Variants in PFDN4 observed in about 807,000 individuals in gnomAD.
PFDN4 encodes prefoldin 4.
PFDN4 carries 6 observed loss-of-function variants against 17.6 expected under a neutral mutation model. The ratio of observed to expected loss-of-function variants is 0.34; its 90% CI spans 0.19 to 0.67. The LOEUF (loss-of-function observed/expected upper bound fraction) is 0.67, where lower values mean the gene tolerates loss of function less well. PFDN4 is among the 30% of genes least tolerant of loss of function. PFDN4 has a pLI of 0.68. For synonymous variants in PFDN4, 48 were observed against 51.1 expected, an observed-to-expected ratio of 0.94 and a Z score of 0.26; for missense variants, 119 against 158.4, an observed-to-expected ratio of 0.75 and a Z score of 1.33.
At chr20:54,216,392 A>G (rs878928999) in intron 3 of PFDN4, among the ~76,000 whole-genome samples, 5 of 152,366 alleles carry the variant, frequency 3.3e-5, no homozygotes, top group Admixed American at 3.3e-4. Context: ...AAAACTTCGT[A>G]TGAATGAAAC....
At chr20:54,212,566 T>G (rs1488285768) in intron 1 of PFDN4, among the ~76,000 whole-genome samples, 3 of 152,234 alleles carry the variant, frequency 2.0e-5, no homozygotes, top group Non-Finnish European at 4.4e-5. Flanking sequence ...CAAGCATGAT[T>G]TAGATTCAAA....
chr20:54,215,330 G>T lies in PFDN4; in HGVS notation c.163G>T (p.Asp55Tyr). Residue 55 changes from aspartate (D) to tyrosine (Y), a missense_variant, in exon 3 of 4, where the codon GAT (aspartate) becomes TAT (tyrosine). By Grantham distance (160) the Asp-to-Tyr change is radical. Coordinates refer to ENST00000371419, the MANE Select transcript of PFDN4 (RefSeq NM_002623.4). ...KQLQNLEDAC[D>Y]DIMLADDDCL... The stretch of plus-strand genomic sequence containing the variant: ...ACTCCAAAACCTAGAAGATGCTTGT[G>T]ATGACATCATGCTTGCAGATGATGA... 1 of 1,594,182 alleles carries T rather than the reference G, an allele frequency of 6.3e-7. No individual in the cohort carries two copies. The highest frequency in any genetic ancestry group is 1.2e-5 in the South Asian group (1 of 86,652).
At chr20:54,213,032 G>A (rs555527380) in intron 1 of PFDN4, among the ~76,000 whole-genome samples, 5 of 152,288 alleles carry the variant, frequency 3.3e-5, no homozygotes, top group East Asian at 1.9e-4. Flanking sequence ...GTTATATTCC[G>A]ACCACTGAGC....
At chr20:54,211,475 G>A (rs1330400564) in intron 1 of PFDN4, among the ~76,000 whole-genome samples, 1 of 152,208 alleles carries the variant, frequency 6.6e-6, no homozygotes, top group Admixed American at 6.5e-5. Flanking sequence ...TCATTTGACT[G>A]ACTCCATCAT....
chr20:54,215,851 C>T (rs919286084), intron 3 of PFDN4, among the ~76,000 whole-genome samples: 4 of 152,204 alleles, frequency 2.6e-5, no homozygotes, highest in African/African-American at 4.8e-5. Flanking sequence ...TGCCTCTCTC[C>T]GTGTAGTTTG....
At chr20:54,216,033 G>A (rs901744340) in intron 3 of PFDN4, among the ~76,000 whole-genome samples, 1 of 152,100 alleles carries the variant, frequency 6.6e-6, no homozygotes, top group South Asian at 2.1e-4. Context: ...TATCAATTGG[G>A]GTCACGGGTC....
intron 1 of PFDN4, among the ~76,000 whole-genome samples, chr20:54,210,782 C>T (rs1406457885): frequency 6.6e-6 from 1 of 152,186 alleles, no homozygotes; most frequent in Non-Finnish European, 1.5e-5. Context: ...TTATCTTGTT[C>T]ATCTTGTTTT....
At position 54,219,669 on chromosome 20, in the gene PFDN4, T is replaced by A; in HGVS notation, c.*519T>A. The stretch of plus-strand genomic sequence containing the variant: ...TTTAAACATACATATTTAACATTTT[T>A]TACATATCTATCAATATCAGAGATT... On this transcript the variant is annotated 3_prime_UTR_variant, in exon 4 of 4. Transcript: ENST00000371419. 1 of 397,968 alleles carries A rather than the reference T, an allele frequency of 2.5e-6. No homozygotes were observed. 24.7% of individuals were successfully genotyped at this position (397,968 alleles called of 1,614,324 possible).
At chr20:54,218,886 A>G in intron 3 of PFDN4, 133 bp from the exon 4 acceptor site, 1 of 553,748 alleles carries the variant, frequency 1.8e-6, no homozygotes, top group Non-Finnish European at 3.2e-6. Context: ...AGATCTAATT[A>G]TCAGTGTTAC....
In PFDN4 at chr20:54,208,139, C is replaced by G; in HGVS notation, c.24+15C>G. The G allele has an allele frequency of 6.5e-7, 1 of 1,548,384 alleles. No individual in the cohort carries two copies. Among genetic ancestry groups the G allele is most frequent in the Non-Finnish European group, 8.7e-7 (1 of 1,145,598 alleles). On this transcript the variant is annotated intron_variant, in intron 1 of 3. Coordinates refer to ENST00000371419, the MANE Select transcript of PFDN4 (RefSeq NM_002623.4). Reference sequence around the variant, plus strand: ...TGAAGAAGGCGGTGAGTGGGGAGCTCGGGGCTCTGGATGCTCGGGCGGCGC... The same window carrying G: ...TGAAGAAGGCGGTGAGTGGGGAGCTGGGGGCTCTGGATGCTCGGGCGGCGC...
At chr20:54,209,574 C>T (rs1047328388) in intron 1 of PFDN4, among the ~76,000 whole-genome samples, 5 of 152,184 alleles carry the variant, frequency 3.3e-5, no homozygotes, top group African/African-American at 1.2e-4. Context: ...CACTTCACCT[C>T]TAGTTTGTTA....
At chr20:54,215,481 T>TA (rs1312106580) in intron 3 of PFDN4, 41 bp downstream of exon 3, 1 of 1,300,820 alleles carries the variant, frequency 7.7e-7, no homozygotes, top group African/African-American at 1.5e-5. Flanking sequence ...TTTATATCAC[T>TA]ATAAAGAACA....
Position 54,214,329 on chromosome 20 carries a change from AAAACTT to A in PFDN4, c.25-17_25-12del. On this transcript the variant is annotated splice_polypyrimidine_tract_variant and intron_variant, in intron 1 of 3. Transcript: ENST00000371419. ...ATAACTTCTCCGTTAAAATTTTACA[AAAACTT>A]AAACACTTCTTTCAGGCTGCAGAAG... The A allele has an allele frequency of 7.2e-7, 1 of 1,383,296 alleles. No individual in the cohort carries two copies. Among genetic ancestry groups the A allele is most frequent in the Non-Finnish European group, 1.0e-6 (1 of 991,706 alleles). The allele number at this position is 1,383,296 out of a possible 1,614,324, so 85.7% of individuals were successfully genotyped here. A position where few individuals can be genotyped will look rare whatever the true frequency, so the allele number is the denominator to read the frequency against.
At chr20:54,212,897 C>T (rs1424962655) in intron 1 of PFDN4, among the ~76,000 whole-genome samples, 2 of 152,240 alleles carry the variant, frequency 1.3e-5, no homozygotes, top group African/African-American at 2.4e-5. Flanking sequence ...TACGGTTGAA[C>T]ACTCAAAGCT....
intron 1 of PFDN4, among the ~76,000 whole-genome samples, chr20:54,212,426 A>AGG (rs2092757207): frequency 6.6e-6 from 1 of 152,190 alleles, no homozygotes; most frequent in Non-Finnish European, 1.5e-5. Flanking sequence ...TCTGGATACC[A>AGG]GGGGCCACAT....
At chr20:54,218,649 G>A (rs1049100505) in intron 3 of PFDN4, among the ~76,000 whole-genome samples, 2 of 152,298 alleles carry the variant, frequency 1.3e-5, no homozygotes, top group African/African-American at 4.8e-5. Context: ...ATCATTTCCT[G>A]TAGTCTCATA....
chr20:54,218,600 G>C (rs2092765757), intron 3 of PFDN4, among the ~76,000 whole-genome samples: 1 of 152,122 alleles, frequency 6.6e-6, no homozygotes, highest in Non-Finnish European at 1.5e-5. Context: ...ATCATAAGTT[G>C]TTCTTCTTAA....
At chr20:54,214,885 T>C (rs948324938) in intron 2 of PFDN4, among the ~76,000 whole-genome samples, 10 of 152,220 alleles carry the variant, frequency 6.6e-5, no homozygotes, top group Non-Finnish European at 1.3e-4. Flanking sequence ...ATTGGTGGAA[T>C]TGAAGTTATT....
intron 1 of PFDN4, among the ~76,000 whole-genome samples, chr20:54,210,694 C>T (rs1479827460): frequency 6.6e-6 from 1 of 152,220 alleles, no homozygotes; most frequent in Non-Finnish European, 1.5e-5. Context: ...AAAGAAGCCT[C>T]CTTCACTCCC....
Sources: gnomAD v4.1 joint callset for allele counts (sites outside exome capture counted in the v4.1 genomes callset) on GRCh38, gnomAD v4.1.1 for gene constraint, MANE v1.5 for transcripts, NCBI Gene and HGNC (gene_info 2026-07-23, HGNC 2026-07-21) for gene names.